Variants in CADM2 observed in about 807,000 individuals in gnomAD.
CADM2 encodes the protein immunoglobulin superfamily member 4D.
CADM2 carries 12 observed loss-of-function variants against 49.8 expected under a neutral mutation model. That is an observed-to-expected ratio of 0.24 (90% CI 0.15 to 0.39). The LOEUF (loss-of-function observed/expected upper bound fraction) is 0.39, where lower values mean the gene tolerates loss of function less well. Ranked by LOEUF, CADM2 falls within the 10% of genes least tolerant of loss-of-function variation. The pLI is 1.00. For synonymous variants in CADM2, 214 were observed against 175.4 expected, an observed-to-expected ratio of 1.22 and a Z score of -1.74; for missense variants, 378 against 492.3, an observed-to-expected ratio of 0.77 and a Z score of 2.20.
At chr3:85,943,065 T>A (rs1722155300) in intron 7 of CADM2, among the ~76,000 whole-genome samples, 1 of 152,136 alleles carries the variant, frequency 6.6e-6, no homozygotes, top group Non-Finnish European at 1.5e-5. Context: ...TAGTTTTGAT[T>A]TGCATTTCTC....
rs1283879284 is a variant in CADM2 at position 86,070,088 on chromosome 3, A to G, written c.*3305A>G. 3 of 151,982 alleles carry G rather than the reference A, an allele frequency of 2.0e-5. No individual in the cohort carries two copies. Among genetic ancestry groups the G allele is most frequent in the African/African-American group, 4.8e-5 (2 of 41,436 alleles). The allele number at this position is 151,982 out of a possible 1,614,324, so 9.4% of individuals were successfully genotyped here. A position where few individuals can be genotyped will look rare whatever the true frequency, so the allele number is the denominator to read the frequency against. Reference sequence around the variant, plus strand: ...TTAAGGAACCTGATATTGGAGTTTAATCTAGAAACTGGATGATCTCATATT... The same window carrying G: ...TTAAGGAACCTGATATTGGAGTTTAGTCTAGAAACTGGATGATCTCATATT... On this transcript the variant is annotated 3_prime_UTR_variant, in exon 10 of 10. Transcript: ENST00000383699.
At position 85,719,358 on chromosome 3, in the gene CADM2, G is replaced by T. The variant is rs549508433; in HGVS notation, c.62-7164G>T. Among the ~76,000 whole-genome samples the T allele has an allele frequency of 9.9e-5, 15 of 152,206 alleles. No homozygotes were observed. The East Asian group carries it at 2.3e-3, about 24-fold the overall frequency. ...CAGTTTACCCTTGAACAACATGGGG[G>T]TTAGGGCCACTGACTCCCCACCACA... On this transcript the variant is annotated intron_variant, in intron 1 of 9. Coordinates refer to ENST00000383699, the MANE Select transcript of CADM2 (RefSeq NM_001167675.2).
At chr3:85,897,606 T>C (rs1458874280) in intron 5 of CADM2, among the ~76,000 whole-genome samples, 2 of 152,044 alleles carry the variant, frequency 1.3e-5, no homozygotes, top group African/African-American at 4.8e-5. Flanking sequence ...GCCATATAAC[T>C]CGATTTTTTT....
chr3:85,662,970 G>T (rs1168475045), intron 1 of CADM2, among the ~76,000 whole-genome samples: 1 of 151,828 alleles, frequency 6.6e-6, no homozygotes, highest in African/African-American at 2.4e-5. Context: ...TACCCTTTCT[G>T]GGTGCCACAT....
At chr3:85,071,624 A>G (rs987975814) in intron 1 of CADM2, among the ~76,000 whole-genome samples, 4 of 152,188 alleles carry the variant, frequency 2.6e-5, no homozygotes, top group African/African-American at 9.6e-5. Flanking sequence ...ATTGTGATGA[A>G]TATAATATTG....
chr3:85,099,708 G>A (rs1025134097), intron 1 of CADM2, among the ~76,000 whole-genome samples: 2 of 152,106 alleles, frequency 1.3e-5, no homozygotes, highest in African/African-American at 4.8e-5. Context: ...AACCTCAGGT[G>A]ATCCGCCCGC....
chr3:85,935,681 G>A (rs182534707), intron 6 of CADM2, 86 bp from the exon 7 acceptor site: 11 of 587,718 alleles, frequency 1.9e-5, no homozygotes, highest in South Asian at 6.8e-5. Context: ...TATAAGAAAT[G>A]CTGAACACAC....
intron 1 of CADM2, among the ~76,000 whole-genome samples, chr3:85,372,809 A>C (rs1322415483): frequency 6.6e-6 from 1 of 152,174 alleles, no homozygotes; most frequent in Non-Finnish European, 1.5e-5. Flanking sequence ...ACACGGTGGA[A>C]GGGAAGACTG....
At chr3:85,113,251 GCTCTGCTGCC>G (rs957367261) in intron 1 of CADM2, among the ~76,000 whole-genome samples, 47 of 152,124 alleles carry the variant, frequency 3.1e-4, no homozygotes, top group African/African-American at 1.1e-3. Flanking sequence ...AAGACGTTTG[GCTCTGCTGCC>G]CAGTAATTTA....
At chr3:85,617,365 A>G (rs1432648401) in intron 1 of CADM2, among the ~76,000 whole-genome samples, 1 of 152,158 alleles carries the variant, frequency 6.6e-6, no homozygotes, top group Non-Finnish European at 1.5e-5. Flanking sequence ...TTTAAAGCAT[A>G]CAAATAAACA....
intron 1 of CADM2, among the ~76,000 whole-genome samples, chr3:85,451,468 A>G (rs972597838): frequency 2.6e-5 from 4 of 152,084 alleles, no homozygotes; most frequent in African/African-American, 9.7e-5. Flanking sequence ...CCCGGAAGTA[A>G]TAGTACTGCA....
intron 1 of CADM2, among the ~76,000 whole-genome samples, chr3:85,455,682 G>C (rs1392540000): frequency 6.6e-6 from 1 of 152,114 alleles, no homozygotes; most frequent in Non-Finnish European, 1.5e-5. Context: ...AGTTGCAACT[G>C]AAGGCTTCAC....
chr3:85,673,672 G>A (rs752149899), intron 1 of CADM2, among the ~76,000 whole-genome samples: 3 of 152,056 alleles, frequency 2.0e-5, no homozygotes, highest in Non-Finnish European at 4.4e-5. Flanking sequence ...GGAGGAAGAA[G>A]AGAAAGAGGG....
At chr3:85,795,573 G>A (rs2071570788) in intron 2 of CADM2, among the ~76,000 whole-genome samples, 1 of 152,144 alleles carries the variant, frequency 6.6e-6, no homozygotes, top group Non-Finnish European at 1.5e-5. Flanking sequence ...CTGGAAGAAC[G>A]AGGTATAGGT....
At chr3:85,481,658 G>A (rs992442009) in intron 1 of CADM2, among the ~76,000 whole-genome samples, 1 of 151,656 alleles carries the variant, frequency 6.6e-6, no homozygotes, top group Non-Finnish European at 1.5e-5. Context: ...AATTACCACT[G>A]AGATTTTAGA....
At chr3:85,514,040 C>G (rs952029428) in intron 1 of CADM2, among the ~76,000 whole-genome samples, 14 of 152,046 alleles carry the variant, frequency 9.2e-5, no homozygotes, top group African/African-American at 3.4e-4. Flanking sequence ...TGGCAATGGA[C>G]AAACTCTTTG....
intron 3 of CADM2, among the ~76,000 whole-genome samples, chr3:85,880,720 T>C (rs751547883): frequency 2.6e-5 from 4 of 152,220 alleles, no homozygotes; most frequent in Non-Finnish European, 5.9e-5. Context: ...TCAAGAAGTT[T>C]GTTTATATAG....
At chr3:85,906,082 A>G (rs1716767016) in intron 5 of CADM2, among the ~76,000 whole-genome samples, 1 of 152,178 alleles carries the variant, frequency 6.6e-6, no homozygotes, top group African/African-American at 2.4e-5. Flanking sequence ...AAGTTGCTCA[A>G]ATGCGTAGAT....
At chr3:85,281,382 T>C (rs1165743029) in intron 1 of CADM2, among the ~76,000 whole-genome samples, 1 of 152,020 alleles carries the variant, frequency 6.6e-6, no homozygotes, top group African/African-American at 2.4e-5. Flanking sequence ...ATTATAAACA[T>C]TTCTGTCGAT....
Sources: allele counts gnomAD v4.1 joint callset (sites outside exome capture counted in the v4.1 genomes callset), GRCh38; gene constraint gnomAD v4.1.1; transcripts MANE v1.5; gene names NCBI Gene and HGNC (gene_info 2026-07-23, HGNC 2026-07-21).